The following ZNF521 variants were observed in gnomAD, a reference collection of about 807,000 sequenced individuals.
ZNF521 encodes LYST-interacting protein 3.
ZNF521 carries 14 observed loss-of-function variants against 105.5 expected under a neutral mutation model. The observed-to-expected ratio is 0.13, with a 90% CI of 0.09 to 0.21. The LOEUF is 0.21. ZNF521 is among the 10% of genes least tolerant of loss of function. The pLI is 1.00. For synonymous variants in ZNF521, 635 were observed against 606.0 expected (o/e 1.05, Z -0.70); for missense variants, 1,233 against 1,629.7 (o/e 0.76, Z 4.19).
intron 5 of ZNF521, among the ~76,000 whole-genome samples, chr18:25,096,802 A>C (rs1354767698): frequency 1.3e-5 from 2 of 152,124 alleles, no homozygotes; most frequent in East Asian, 3.9e-4. Flanking sequence ...GCATAAATCT[A>C]TAGGCTAAAG....
chr18:25,184,254 A>G (rs1239578944), intron 5 of ZNF521, among the ~76,000 whole-genome samples: 1 of 152,184 alleles, frequency 6.6e-6, no homozygotes, highest in Non-Finnish European at 1.5e-5. Context: ...TGCCTTTTAA[A>G]TAAGTTAATA....
chr18:25,227,541 G>A lies in ZNF521; in HGVS notation c.377C>T (p.Ser126Leu). The change falls in exon 4 of 8, where the codon TCG (serine) becomes TTG (leucine). Residue 126 changes from serine to leucine, a missense_variant. Coordinates refer to ENST00000361524, the MANE Select transcript of ZNF521 (RefSeq NM_015461.3). The surrounding 1 kb of genome is among the most constrained non-coding windows in gnomAD (Gnocchi z 5.7). ...LPYPCQFCDK[S>L]FSRLSYLKHH... ...CTTTAGGTAGCTGAGGCGGCTAAACGACTTGTCACAGAATTGACACGGGTA... is the reference window on the plus strand; with the variant it reads ...CTTTAGGTAGCTGAGGCGGCTAAACAACTTGTCACAGAATTGACACGGGTA... 2 of 1,614,114 alleles carry A rather than the reference G, an allele frequency of 1.2e-6. No individual in the cohort carries two copies. The highest frequency in any genetic ancestry group is 2.2e-5 in the East Asian group (1 of 44,876).
chr18:25,166,896 A>T (rs1230252913), intron 5 of ZNF521, among the ~76,000 whole-genome samples: 1 of 152,240 alleles, frequency 6.6e-6, no homozygotes, highest in Admixed American at 6.5e-5. Context: ...TTTGTTGAAG[A>T]TATGGATTAA....
At chr18:25,299,728 G>C (rs1045564241) in intron 3 of ZNF521, among the ~76,000 whole-genome samples, 1 of 152,028 alleles carries the variant, frequency 6.6e-6, no homozygotes, top group Non-Finnish European at 1.5e-5. Context: ...ATGATACAAG[G>C]GAACAAAAGA....
At chr18:25,236,484 C>T (rs543436459) in intron 3 of ZNF521, among the ~76,000 whole-genome samples, 312 of 150,864 alleles carry the variant, frequency 2.1e-3, no homozygotes, top group African/African-American at 6.0e-3. Context: ...TGCAGTGAGC[C>T]GAGATCACGC....
intron 3 of ZNF521, among the ~76,000 whole-genome samples, chr18:25,258,890 T>C (rs935612156): frequency 3.9e-5 from 6 of 152,134 alleles, no homozygotes; most frequent in African/African-American, 1.4e-4. Context: ...GTATAAAATA[T>C]TATAATAAAA....
chr18:25,079,130 G>T (rs557783584), intron 7 of ZNF521, among the ~76,000 whole-genome samples: 1 of 152,342 alleles, frequency 6.6e-6, no homozygotes, highest in Non-Finnish European at 1.5e-5. Flanking sequence ...CCTCAGAGTG[G>T]GTGGCATCGC....
In ZNF521 at chr18:25,284,624, C is replaced by T. The variant is rs117793247; in HGVS notation, c.220+37384G>A. On this transcript the variant is annotated intron_variant, in intron 3 of 7. Transcript: ENST00000361524. ...AGTCTTCAATAAAGCAGTGAGAGTT[C>T]GAAAGGAAAGTAGCAACACCACAAG... 1.1e-3 allele frequency among the ~76,000 whole-genome samples: 163 copies of T among 151,532 alleles called. 3 individuals are homozygous for T. In the East Asian group the frequency reaches 0.024, roughly 22 times the overall value.
intron 4 of ZNF521, among the ~76,000 whole-genome samples, chr18:25,207,404 A>G (rs1023504714): frequency 3.9e-5 from 6 of 152,208 alleles, no homozygotes; most frequent in East Asian, 1.9e-4. Flanking sequence ...CTCGGGGCAC[A>G]GGACTCCAGG....
chr18:25,075,343 A>G (rs2033334675), intron 7 of ZNF521, among the ~76,000 whole-genome samples: 1 of 152,226 alleles, frequency 6.6e-6, no homozygotes, highest in African/African-American at 2.4e-5. Context: ...GAAGAGAAAT[A>G]TTCCCAGAGA....
chr18:25,308,656 C>A (rs575477341), intron 3 of ZNF521, among the ~76,000 whole-genome samples: 14 of 145,986 alleles, frequency 9.6e-5, no homozygotes, highest in South Asian at 7.1e-4. Flanking sequence ...ACATCCCCCC[C>A]CCCCCACCCG....
intron 3 of ZNF521, among the ~76,000 whole-genome samples, chr18:25,257,726 A>G (rs558816560): frequency 3.3e-5 from 5 of 152,282 alleles, no homozygotes; most frequent in Admixed American, 2.6e-4. Context: ...ATGCTTGTTG[A>G]GTATCAAATG....
At chr18:25,322,981 G>A (rs1913019672) in intron 2 of ZNF521, among the ~76,000 whole-genome samples, 1 of 152,076 alleles carries the variant, frequency 6.6e-6, no homozygotes, top group Non-Finnish European at 1.5e-5. Flanking sequence ...GAGATGTGGG[G>A]GTGCGGGGAG....
intron 7 of ZNF521, among the ~76,000 whole-genome samples, chr18:25,064,708 G>A (rs182003572): frequency 1.3e-5 from 2 of 152,330 alleles, no homozygotes; most frequent in African/African-American, 4.8e-5. Context: ...ATGACCAGAG[G>A]TTCAGCTGAG....
At chr18:25,310,095 G>GTA (rs1912212795) in intron 3 of ZNF521, among the ~76,000 whole-genome samples, 1 of 151,952 alleles carries the variant, frequency 6.6e-6, no homozygotes, top group Admixed American at 6.6e-5. Context: ...TCCTATTCTA[G>GTA]TATCTCCCAC....
At chr18:25,199,239 A>G (rs955310283) in intron 4 of ZNF521, among the ~76,000 whole-genome samples, 4 of 150,122 alleles carry the variant, frequency 2.7e-5, no homozygotes, top group Admixed American at 6.6e-5. Flanking sequence ...TATGAGGGGG[A>G]AAAAAAACCC....
chr18:25,196,066 G>A (rs953279757), intron 4 of ZNF521, among the ~76,000 whole-genome samples: 18 of 151,580 alleles, frequency 1.2e-4, no homozygotes. Flanking sequence ...CTTTATTACT[G>A]AGTCCCAGTA....
chr18:25,292,894 A>T (rs137974197), intron 3 of ZNF521, among the ~76,000 whole-genome samples: 1 of 152,208 alleles, frequency 6.6e-6, no homozygotes, highest in African/African-American at 2.4e-5. Flanking sequence ...AATCCAAGGT[A>T]GGACCCTCAG....
chr18:25,088,017 C>G (rs2033660645), intron 7 of ZNF521, among the ~76,000 whole-genome samples: 1 of 152,172 alleles, frequency 6.6e-6, no homozygotes, highest in East Asian at 1.9e-4. Flanking sequence ...CGAAGTTGCC[C>G]CAGGACCCAA....
Sources: allele counts gnomAD v4.1 joint callset (sites outside exome capture counted in the v4.1 genomes callset), GRCh38; gene constraint gnomAD v4.1.1; non-coding constraint Gnocchi (gnomAD v3.1); transcripts MANE v1.5; gene names NCBI Gene and HGNC (gene_info 2026-07-23, HGNC 2026-07-21).